The following PTPRG variants were observed in gnomAD, a reference collection of about 807,000 sequenced individuals.
The protein encoded by PTPRG is protein tyrosine phosphatase receptor type G, also known as receptor-type tyrosine-protein phosphatase gamma.
Under a neutral mutation model 165.3 loss-of-function variants are expected in PTPRG, and 102 were observed. The observed-to-expected ratio is 0.62, with a 90% confidence interval of 0.53 to 0.73. The LOEUF (loss-of-function observed/expected upper bound fraction) is 0.73, where lower values mean the gene tolerates loss of function less well. Ranked by LOEUF, PTPRG falls within the 30% of genes least tolerant of loss-of-function variation. The pLI is 0.00. For missense variants in PTPRG, 1,866 were observed against 1,861.4 expected, an observed-to-expected ratio of 1.00 and a Z score of -0.05; for synonymous variants, 675 against 669.5, an observed-to-expected ratio of 1.01 and a Z score of -0.13.
chr3:61,597,578 G>C (rs563938840), intron 1 of PTPRG, among the ~76,000 whole-genome samples: 10 of 152,308 alleles, frequency 6.6e-5, no homozygotes, highest in Admixed American at 5.2e-4. Flanking sequence ...TAAAGGGTCT[G>C]ATTTAATCTT....
intron 2 of PTPRG, among the ~76,000 whole-genome samples, chr3:61,759,812 A>T (rs534074419): frequency 3.3e-5 from 5 of 149,430 alleles, no homozygotes; most frequent in Admixed American, 6.6e-5. Context: ...TTTTTTTTTT[A>T]AATCAAGGAG....
chr3:62,275,351 G>A (rs1373499091), intron 23 of PTPRG, among the ~76,000 whole-genome samples: 1 of 50 alleles, frequency 0.02, no homozygotes, highest in East Asian at 0.5. Context: ...TTTTATGCCA[G>A]TGAGGATCAC....
At chr3:61,815,506 T>A (rs994612298) in intron 2 of PTPRG, among the ~76,000 whole-genome samples, 2 of 152,212 alleles carry the variant, frequency 1.3e-5, no homozygotes, top group African/African-American at 4.8e-5. Flanking sequence ...ATGGAATACA[T>A]TATAATGGGG....
chr3:61,942,599 A>G (rs1263524632), intron 2 of PTPRG, among the ~76,000 whole-genome samples: 1 of 152,220 alleles, frequency 6.6e-6, no homozygotes, highest in African/African-American at 2.4e-5. Flanking sequence ...GATGATGACC[A>G]TGAATTCACT....
Position 62,204,046 on chromosome 3 carries a change from T to C in PTPRG, c.2155+96T>C, listed in dbSNP as rs72878119. On this transcript the variant is annotated intron_variant, in intron 12 of 29. Transcript: ENST00000474889. The stretch of plus-strand genomic sequence containing the variant: ...GAGCAGAAGGTGAAGCTTCAGAAGG[T>C]ACTTAATATTCTTAGAATCATATAT... 6.3e-4 allele frequency: 920 copies of C among 1,468,530 alleles called. 5 individuals are homozygous for C. In the African/African-American group the frequency reaches 0.012, roughly 19 times the overall value. 91.0% of individuals were successfully genotyped at this position (1,468,530 alleles called of 1,614,324 possible).
chr3:61,987,845 C>CT (rs994792768), intron 2 of PTPRG, among the ~76,000 whole-genome samples: 10 of 151,970 alleles, frequency 6.6e-5, no homozygotes, highest in East Asian at 3.9e-4. Context: ...CGTTCGTCTC[C>CT]TTTTTTTTCT....
At chr3:61,928,552 G>C (rs974103576) in intron 2 of PTPRG, among the ~76,000 whole-genome samples, 1 of 152,136 alleles carries the variant, frequency 6.6e-6, no homozygotes, top group African/African-American at 2.4e-5. Context: ...AGTATTTTCT[G>C]GAACATGTTG....
chr3:61,675,762 A>G (rs767496064), intron 1 of PTPRG, among the ~76,000 whole-genome samples: 5 of 152,174 alleles, frequency 3.3e-5, no homozygotes, highest in Non-Finnish European at 5.9e-5. Flanking sequence ...GTTTTTGCAG[A>G]TGAGTAATGA....
intron 2 of PTPRG, among the ~76,000 whole-genome samples, chr3:61,964,525 C>A (rs115190785): frequency 1.3e-5 from 2 of 152,146 alleles, no homozygotes; most frequent in Non-Finnish European, 2.9e-5. Flanking sequence ...GATCAAAACT[C>A]TCCATCAAAC....
chr3:62,100,629 A>T (rs1274894989), intron 5 of PTPRG, among the ~76,000 whole-genome samples: 1 of 152,232 alleles, frequency 6.6e-6, no homozygotes, highest in Admixed American at 6.5e-5. Context: ...AGAAGCACAC[A>T]GGAATGTATG....
intron 4 of PTPRG, among the ~76,000 whole-genome samples, chr3:62,018,726 G>A (rs1024620502): frequency 1.3e-5 from 2 of 152,180 alleles, no homozygotes; most frequent in Non-Finnish European, 2.9e-5. Flanking sequence ...GGATGCATAG[G>A]AGGTCAACTC....
chr3:61,741,863 C>T (rs1282080877), intron 1 of PTPRG, among the ~76,000 whole-genome samples: 1 of 152,088 alleles, frequency 6.6e-6, no homozygotes, highest in African/African-American at 2.4e-5. Flanking sequence ...GTAAATGGAC[C>T]ACCTTTGTCA....
chr3:62,014,181 C>G (rs1258026867), intron 4 of PTPRG, among the ~76,000 whole-genome samples: 1 of 152,152 alleles, frequency 6.6e-6, no homozygotes, highest in African/African-American at 2.4e-5. Context: ...GAAAGAAAGT[C>G]TATTTCCTCT....
intron 2 of PTPRG, among the ~76,000 whole-genome samples, chr3:61,822,522 GA>G (rs537389312): frequency 3.3e-5 from 5 of 151,814 alleles, no homozygotes. Context: ...GAAAAGGAAA[GA>G]AAAAAAATGC....
chr3:62,259,259 T>TGCAC (rs1559717383), intron 16 of PTPRG, among the ~76,000 whole-genome samples: 1 of 152,228 alleles, frequency 6.6e-6, no homozygotes, highest in Non-Finnish European at 1.5e-5. Context: ...GGTGTAATGC[T>TGCAC]GCACCGACTG....
At chr3:61,984,467 A>G (rs1030694152) in intron 2 of PTPRG, among the ~76,000 whole-genome samples, 6 of 152,134 alleles carry the variant, frequency 3.9e-5, no homozygotes, top group Admixed American at 3.9e-4. Context: ...ATCAGTGCCC[A>G]TCTCCCTCAT....
intron 7 of PTPRG, among the ~76,000 whole-genome samples, chr3:62,166,683 C>A (rs897844372): frequency 6.6e-6 from 1 of 151,658 alleles, no homozygotes; most frequent in African/African-American, 2.4e-5. Context: ...ACAAAAAAAT[C>A]CCTTTTTTGT....
intron 1 of PTPRG, among the ~76,000 whole-genome samples, chr3:61,640,986 A>G (rs1702043492): frequency 6.6e-6 from 1 of 152,168 alleles, no homozygotes; most frequent in Admixed American, 6.5e-5. Flanking sequence ...GTGTGGAGAT[A>G]GGAGGAGATC....
chr3:61,567,196 G>A (rs190472961), intron 1 of PTPRG, among the ~76,000 whole-genome samples: 1 of 152,280 alleles, frequency 6.6e-6, no homozygotes, highest in African/African-American at 2.4e-5. Flanking sequence ...AAGCCAAGGA[G>A]TACACTGCTC....
Sources: gnomAD v4.1 joint callset for allele counts (sites outside exome capture counted in the v4.1 genomes callset) on GRCh38, gnomAD v4.1.1 for gene constraint, MANE v1.5 for transcripts, NCBI Gene and HGNC (gene_info 2026-07-23, HGNC 2026-07-21) for gene names.